The following BCKDHB variants were observed in gnomAD, a reference collection of about 807,000 sequenced individuals.
BCKDHB encodes branched chain keto acid dehydrogenase E1 subunit beta, also known as 2-oxoisovalerate dehydrogenase subunit beta, mitochondrial.
Under a neutral mutation model 48.5 loss-of-function variants are expected in BCKDHB, and 41 were observed. That is an observed-to-expected ratio of 0.85 (90% confidence interval 0.66 to 1.10). The LOEUF (loss-of-function observed/expected upper bound fraction) is 1.10, where lower values mean the gene tolerates loss of function less well. Among genes scored for constraint, BCKDHB ranks in the 50% least tolerant of loss-of-function variants. The pLI, the probability that BCKDHB is intolerant of heterozygous loss-of-function variation, is 0.00. For synonymous variants in BCKDHB, 201 were observed against 174.8 expected, an observed-to-expected ratio of 1.15 and a Z score of -1.18; for missense variants, 496 against 494.2, an observed-to-expected ratio of 1.00 and a Z score of -0.03.
intron 9 of BCKDHB, among the ~76,000 whole-genome samples, chr6:80,315,196 T>A (rs1173649381): frequency 6.6e-6 from 1 of 152,174 alleles, no homozygotes; most frequent in African/African-American, 2.4e-5. Context: ...CCAGAGTATG[T>A]AAAGCTCTGG....
At chr6:80,355,390 ACT>A in the BCKDHB span, 1 of 91,550 alleles carries the variant, frequency 1.1e-5, no homozygotes, top group African/African-American at 4.2e-5. Flanking sequence ...ACAGATTGAG[ACT>A]CTGTCTCAAA....
intron 8 of BCKDHB, among the ~76,000 whole-genome samples, chr6:80,261,830 G>C (rs1280415789): frequency 1.3e-5 from 2 of 152,204 alleles, no homozygotes; most frequent in African/African-American, 4.8e-5. Context: ...TGAGTGATCA[G>C]GATAATTTTC....
chr6:80,423,911 A>C, the BCKDHB span, among the ~76,000 whole-genome samples: 1 of 152,234 alleles, frequency 6.6e-6, no homozygotes, highest in Non-Finnish European at 1.5e-5. Context: ...GGAGTTGGGC[A>C]AAGTATACTC....
chr6:80,288,092 C>CT (rs35051759), intron 9 of BCKDHB, among the ~76,000 whole-genome samples: 29 of 150,022 alleles, frequency 1.9e-4, no homozygotes, highest in Middle Eastern at 3.4e-3. Context: ...AACTTAAAAG[C>CT]TTTTTTTTTC....
chr6:80,111,049 G>C (rs779427937), intron 1 of BCKDHB, among the ~76,000 whole-genome samples: 5 of 152,126 alleles, frequency 3.3e-5, no homozygotes, highest in Non-Finnish European at 5.9e-5. Context: ...TTAACAGGGG[G>C]CCTGGGCAGC....
At chr6:80,149,895 G>A (rs1372433057) in intron 3 of BCKDHB, among the ~76,000 whole-genome samples, 1 of 151,344 alleles carries the variant, frequency 6.6e-6, no homozygotes, top group Admixed American at 6.6e-5. Context: ...GAGTTAATGG[G>A]TGCAGCATAC....
intron 9 of BCKDHB, among the ~76,000 whole-genome samples, chr6:80,293,122 C>T (rs942522772): frequency 1.3e-5 from 2 of 152,172 alleles, no homozygotes; most frequent in Admixed American, 6.5e-5. Flanking sequence ...GTCGAGAGGA[C>T]GGTGGCCCTC....
At chr6:80,451,519 C>G in the BCKDHB span, among the ~76,000 whole-genome samples, 1 of 152,084 alleles carries the variant, frequency 6.6e-6, no homozygotes, top group African/African-American at 2.4e-5. Flanking sequence ...GGGTGGACCA[C>G]TTGAGGCCGA....
chr6:80,455,110 T>C, the BCKDHB span, among the ~76,000 whole-genome samples: 1 of 152,208 alleles, frequency 6.6e-6, no homozygotes, highest in African/African-American at 2.4e-5. Context: ...ACATTGTGAA[T>C]GTATCTCATG....
At chr6:80,316,032 G>T (rs919034944) in intron 9 of BCKDHB, among the ~76,000 whole-genome samples, 2 of 152,124 alleles carry the variant, frequency 1.3e-5, no homozygotes, top group African/African-American at 4.8e-5. Flanking sequence ...TATCTTTCGG[G>T]GATCTTCCTC....
At chr6:80,258,533 G>C (rs1231107805) in intron 8 of BCKDHB, among the ~76,000 whole-genome samples, 5 of 152,248 alleles carry the variant, frequency 3.3e-5, no homozygotes, top group Non-Finnish European at 7.3e-5. Flanking sequence ...CTGATGCATT[G>C]GGATTAAAGG....
At chr6:80,195,425 C>CA (rs553069677) in intron 6 of BCKDHB, among the ~76,000 whole-genome samples, 5 of 151,618 alleles carry the variant, frequency 3.3e-5, no homozygotes, top group African/African-American at 4.8e-5. Context: ...TGAAAATTGT[C>CA]AAAAAAAGAC....
At chr6:80,417,625 G>C in the BCKDHB span, among the ~76,000 whole-genome samples, 1 of 152,140 alleles carries the variant, frequency 6.6e-6, no homozygotes, top group Non-Finnish European at 1.5e-5. Context: ...ATAAAATTCT[G>C]GGTTGGAGTT....
intron 8 of BCKDHB, among the ~76,000 whole-genome samples, chr6:80,250,869 C>T (rs1050066333): frequency 2.6e-5 from 4 of 152,146 alleles, no homozygotes; most frequent in African/African-American, 4.8e-5. Flanking sequence ...GTGAAGTCCA[C>T]TTAGGGTTAT....
At chr6:80,129,299 T>C in intron 3 of BCKDHB, 70 bp downstream of exon 3, 1 of 1,365,414 alleles carries the variant, frequency 7.3e-7, no homozygotes, top group South Asian at 1.2e-5. Flanking sequence ...ATACAAAATA[T>C]GCCTACTAAA....
the BCKDHB span, among the ~76,000 whole-genome samples, chr6:80,422,593 G>A: frequency 1.3e-5 from 2 of 152,214 alleles, no homozygotes; most frequent in African/African-American, 4.8e-5. Context: ...CAGAGACACA[G>A]TAGTGCAGCT....
chr6:80,201,079 GCT>G (rs1248620130), intron 7 of BCKDHB, 48 bp downstream of exon 7: 1 of 1,453,930 alleles, frequency 6.9e-7, no homozygotes, highest in Non-Finnish European at 9.7e-7. Flanking sequence ...GTGCTTGGAA[GCT>G]CTCATTTTAA....
chr6:80,395,983 A>C, the BCKDHB span, among the ~76,000 whole-genome samples: 1 of 152,232 alleles, frequency 6.6e-6, no homozygotes, highest in African/African-American at 2.4e-5. Context: ...CTGAGGTTTG[A>C]GAACCTCCTC....
rs73482023 is a variant in BCKDHB at position 80,216,456 on chromosome 6, T to G, written c.951+13244T>G. Among the ~76,000 whole-genome samples, 738 of 152,340 alleles carry G rather than the reference T, an allele frequency of 4.8e-3. 5 individuals carry two copies. The highest frequency in any genetic ancestry group is 0.017 in the African/African-American group (707 of 41,578). On this transcript the variant is annotated intron_variant, in intron 8 of 9. Transcript: ENST00000320393. ...CATATTTTCTTTCATTTAGCATTTT[T>G]TTTCCTTCCACATGGAACTGGAGAA...
Sources: gnomAD v4.1 joint callset for allele counts (sites outside exome capture counted in the v4.1 genomes callset) on GRCh38, gnomAD v4.1.1 for gene constraint, MANE v1.5 for transcripts, NCBI Gene and HGNC (gene_info 2026-07-23, HGNC 2026-07-21) for gene names.